FAM184A: variants seen among roughly 807,000 people sequenced by gnomAD.
FAM184A encodes the protein protein FAM184A.
A neutral mutation model predicts 143.8 loss-of-function variants in FAM184A; 99 were observed. The ratio of observed to expected loss-of-function variants is 0.69; its 90% CI spans 0.58 to 0.81. The LOEUF is 0.81. FAM184A is among the 40% of genes least tolerant of loss of function. FAM184A has a pLI of 0.00. For missense variants in FAM184A, 1,217 were observed against 1,310.5 expected, an observed-to-expected ratio of 0.93 and a Z score of 1.10; for synonymous variants, 427 against 446.4, an observed-to-expected ratio of 0.96 and a Z score of 0.55.
chr6:118,991,955 G>A (rs1255541231), intron 9 of FAM184A, among the ~76,000 whole-genome samples: 2 of 151,324 alleles, frequency 1.3e-5, no homozygotes, highest in Admixed American at 6.6e-5. Context: ...TAGTAGAGAC[G>A]GGGTTTCACC....
chr6:119,088,957 C>T (rs1582605445), intron 1 of FAM184A, among the ~76,000 whole-genome samples: 1 of 152,058 alleles, frequency 6.6e-6, no homozygotes, highest in East Asian at 1.9e-4. Flanking sequence ...CACTAAGCCA[C>T]CTCTTTTCTT....
In FAM184A at chr6:119,078,269, G is replaced by C; in HGVS notation, c.31C>G (p.His11Asp). The C allele has an allele frequency of 6.6e-7, 1 of 1,523,310 alleles. No homozygotes were observed. Among genetic ancestry groups the C allele is most frequent in the Non-Finnish European group, 8.8e-7 (1 of 1,139,216 alleles). 94.4% of individuals were successfully genotyped at this position (1,523,310 alleles called of 1,614,324 possible). ...TTGGCCGCCGAGCCGCCGTAATAGT[G>C]CTGCTGCCAGCTCATGCCCGGGGTC... MATPGMSWQQ[H>D]YYGGSAAKFA... The change falls in exon 1 of 18, where the codon CAC (histidine) becomes GAC (aspartate). Residue 11 changes from histidine (H) to aspartate (D), a missense_variant. By Grantham distance (81) the His-to-Asp change is moderately conservative. Coordinates refer to ENST00000338891, the MANE Select transcript of FAM184A (RefSeq NM_024581.6). This position sits in a 1 kb window ranked among gnomAD's most constrained non-coding sequence, Gnocchi z 5.5.
intron 1 of FAM184A, among the ~76,000 whole-genome samples, chr6:119,065,088 T>C (rs1787394500): frequency 6.6e-6 from 1 of 152,198 alleles, no homozygotes; most frequent in Admixed American, 6.5e-5. Flanking sequence ...CTCTATCTCC[T>C]AGTATCAGAA....
At position 118,998,976 on chromosome 6, in the gene FAM184A, G is replaced by A. The variant is rs146457188; in HGVS notation, c.2088+3923C>T. On this transcript the variant is annotated intron_variant, in intron 9 of 17. Transcript: ENST00000338891. Reference sequence around the variant, plus strand: ...GAAAATAATCTGTAGGTGGTAAAGAGTAGAAACAAGGTAACAGTTGCAGTA... The same window carrying A: ...GAAAATAATCTGTAGGTGGTAAAGAATAGAAACAAGGTAACAGTTGCAGTA... 4.5e-4 allele frequency among the ~76,000 whole-genome samples: 68 copies of A among 152,340 alleles called. 2 individuals carry two copies. In the East Asian group the frequency reaches 5.2e-3, roughly 12 times the overall value.
chr6:119,116,465 C>T lies in FAM184A; in HGVS notation c.-202+32613G>A, dbSNP rs114724963. Among the ~76,000 whole-genome samples the T allele has an allele frequency of 3.4e-3, 520 of 152,202 alleles. 2 individuals are homozygous for T. The highest frequency in any genetic ancestry group is 0.012 in the African/African-American group (504 of 41,538). On this transcript the variant is annotated intron_variant, in intron 1 of 16. Transcript: ENST00000352896. ...AAGCCTCAGTGTCACACAGTTTACC[C>T]ATATAACAAATCTGCATGTGTACCC...
chr6:119,047,524 A>G (rs1786588862), intron 1 of FAM184A, among the ~76,000 whole-genome samples: 3 of 152,180 alleles, frequency 2.0e-5, no homozygotes, highest in Admixed American at 2.0e-4. Context: ...TGTCGTACAC[A>G]ATTGCAAAGA....
chr6:119,125,034 G>A (rs945311439), intron 1 of FAM184A, among the ~76,000 whole-genome samples: 3 of 152,154 alleles, frequency 2.0e-5, no homozygotes, highest in Admixed American at 6.5e-5. Flanking sequence ...CGCTTTGAAA[G>A]TGCCTTGAAA....
chr6:119,133,669 C>A (rs1023013621), intron 1 of FAM184A, among the ~76,000 whole-genome samples: 7 of 151,976 alleles, frequency 4.6e-5, no homozygotes, highest in African/African-American at 1.4e-4. Flanking sequence ...GAAGGCTGAC[C>A]GTTGAGGGCT....
Position 119,016,470 on chromosome 6 carries a change from G to A in FAM184A, c.1530+277C>T, listed in dbSNP as rs369019166. ...GGGAGGAACGAACAACTCCAGACGC[G>A]CTACCTTAAGAGCTGTAACACTCAC... is the stretch of plus-strand genomic sequence containing the variant. On this transcript the variant is annotated intron_variant, in intron 5 of 17. Coordinates refer to ENST00000338891, the MANE Select transcript of FAM184A (RefSeq NM_024581.6). Among the ~76,000 whole-genome samples, 9 of 152,070 alleles carry A rather than the reference G, an allele frequency of 5.9e-5. 1 individual carries two copies. The highest frequency in any genetic ancestry group is 1.2e-4 in the African/African-American group (5 of 41,476).
intron 1 of FAM184A, among the ~76,000 whole-genome samples, chr6:119,107,554 G>A (rs1278363957): frequency 4.6e-5 from 7 of 152,156 alleles, no homozygotes. Flanking sequence ...CTGAAGTCAG[G>A]AGTTCGAGAC....
chr6:119,016,989 T>G, intron 4 of FAM184A, 45 bp from the exon 5 acceptor site: 4 of 1,338,498 alleles, frequency 3.0e-6, no homozygotes, highest in Non-Finnish European at 4.2e-6. Context: ...GCTTTTTTCA[T>G]TACTGTTATT....
intron 9 of FAM184A, among the ~76,000 whole-genome samples, chr6:118,995,138 C>T (rs1295136188): frequency 6.6e-6 from 1 of 152,158 alleles, no homozygotes; most frequent in Admixed American, 6.6e-5. Context: ...CAATTTCAGG[C>T]CAGGCATGGT....
chr6:119,146,537 C>T (rs1772440586), intron 1 of FAM184A, among the ~76,000 whole-genome samples: 1 of 151,790 alleles, frequency 6.6e-6, no homozygotes, highest in Non-Finnish European at 1.5e-5. Context: ...CTCAAGCGAT[C>T]CTCCTGCCTC....
chr6:119,021,192 A>G (rs1785433604), intron 3 of FAM184A, among the ~76,000 whole-genome samples: 1 of 152,170 alleles, frequency 6.6e-6, no homozygotes. Flanking sequence ...TGTGCACTAA[A>G]GGCTATTAAA....
At chr6:119,037,227 G>T (rs972587264) in intron 1 of FAM184A, among the ~76,000 whole-genome samples, 9 of 152,124 alleles carry the variant, frequency 5.9e-5, no homozygotes, top group Non-Finnish European at 1.3e-4. Context: ...TTTCACATTT[G>T]AACATTTCTT....
chr6:118,974,981 C>T, intron 13 of FAM184A, 43 bp downstream of exon 13: 1 of 1,478,662 alleles, frequency 6.8e-7, no homozygotes, highest in Non-Finnish European at 9.3e-7. Context: ...AACAGTTTTT[C>T]AGATGACACT....
intron 5 of FAM184A, 139 bp downstream of exon 5, chr6:119,016,608 T>C (rs1017758708): frequency 6.6e-5 from 45 of 682,816 alleles, no homozygotes; most frequent in Non-Finnish European, 1.1e-4. Flanking sequence ...CGCGCCACCT[T>C]AAGAGCTGTA....
At chr6:119,113,104 G>A (rs115241534) in intron 1 of FAM184A, among the ~76,000 whole-genome samples, 1 of 152,180 alleles carries the variant, frequency 6.6e-6, no homozygotes, top group Non-Finnish European at 1.5e-5. Context: ...GACTGAGCAT[G>A]ACAGGGTACT....
chr6:118,962,420 A>G (rs1783361449), intron 16 of FAM184A: 1 of 154,958 alleles, frequency 6.5e-6, no homozygotes, highest in South Asian at 2.0e-4. Context: ...AAAGGGAGGC[A>G]GTTCTTGCCT....
Sources: allele counts gnomAD v4.1 joint callset (sites outside exome capture counted in the v4.1 genomes callset), GRCh38; gene constraint gnomAD v4.1.1; non-coding constraint Gnocchi (gnomAD v3.1); transcripts MANE v1.5; gene names NCBI Gene and HGNC (gene_info 2026-07-23, HGNC 2026-07-21).